The following DLG2 variants were observed in gnomAD, a reference collection of about 807,000 sequenced individuals.
DLG2 encodes disks large homolog 2.
DLG2 carries 45 observed loss-of-function variants against 132.5 expected under a neutral mutation model. That is an observed-to-expected ratio of 0.34 (90% CI 0.27 to 0.44). The LOEUF (loss-of-function observed/expected upper bound fraction) is 0.44. DLG2 is among the 20% of genes least tolerant of loss of function. DLG2 has a pLI of 1.00. For missense variants in DLG2, 1,045 were observed against 1,196.9 expected, an observed-to-expected ratio of 0.87 and a Z score of 1.87; for synonymous variants, 424 against 419.6, an observed-to-expected ratio of 1.01 and a Z score of -0.13.
chr11:84,537,032 A>G (rs2099357128), intron 6 of DLG2, among the ~76,000 whole-genome samples: 1 of 151,824 alleles, frequency 6.6e-6, no homozygotes, highest in African/African-American at 2.4e-5. Context: ...CACACTGCCC[A>G]CAGGACAGAA....
At chr11:84,698,460 G>C (rs2058849943) in intron 6 of DLG2, among the ~76,000 whole-genome samples, 1 of 151,400 alleles carries the variant, frequency 6.6e-6, no homozygotes, top group Admixed American at 6.6e-5. Flanking sequence ...AGAAATAAGT[G>C]GCAGAACAAA....
chr11:85,259,865 G>T (rs796711216), intron 4 of DLG2, among the ~76,000 whole-genome samples: 11 of 152,124 alleles, frequency 7.2e-5, no homozygotes, highest in African/African-American at 2.4e-4. Flanking sequence ...TGTAGAAATT[G>T]TTTGGTATTC....
chr11:84,672,563 C>T (rs745842010), intron 6 of DLG2, among the ~76,000 whole-genome samples: 1 of 152,070 alleles, frequency 6.6e-6, no homozygotes, highest in Non-Finnish European at 1.5e-5. Flanking sequence ...AGAAACTATT[C>T]CAGCTGCTAG....
intron 6 of DLG2, among the ~76,000 whole-genome samples, chr11:84,574,545 C>T (rs1235593560): frequency 1.3e-5 from 2 of 152,148 alleles, no homozygotes; most frequent in Non-Finnish European, 2.9e-5. Flanking sequence ...CAAGCTAAAG[C>T]TCCTTAAAAT....
intron 4 of DLG2, among the ~76,000 whole-genome samples, chr11:85,230,438 CAT>C (rs968692858): frequency 4.6e-5 from 7 of 151,338 alleles, no homozygotes; most frequent in Non-Finnish European, 4.4e-5. Context: ...TTTAAATAAA[CAT>C]ATTTATATAG....
At chr11:83,497,534 C>A (rs1159285921) in intron 21 of DLG2, among the ~76,000 whole-genome samples, 4 of 84,154 alleles carry the variant, frequency 4.8e-5, no homozygotes, top group African/African-American at 1.1e-4. Flanking sequence ...GACTTCGTCT[C>A]AAAAACAAAA....
chr11:85,540,815 T>C (rs1373333409), intron 3 of DLG2, among the ~76,000 whole-genome samples: 1 of 152,240 alleles, frequency 6.6e-6, no homozygotes, highest in Non-Finnish European at 1.5e-5. Context: ...CCTGCCCATC[T>C]GTATGCTCCC....
intron 8 of DLG2, among the ~76,000 whole-genome samples, chr11:84,235,279 C>A (rs1314649982): frequency 6.6e-6 from 1 of 152,188 alleles, no homozygotes; most frequent in Non-Finnish European, 1.5e-5. Flanking sequence ...AAACTGTAGC[C>A]TGACCATCTT....
At chr11:84,363,248 C>A (rs946938006) in intron 7 of DLG2, among the ~76,000 whole-genome samples, 6 of 152,172 alleles carry the variant, frequency 3.9e-5, no homozygotes, top group African/African-American at 1.4e-4. Flanking sequence ...ATTTGCATTT[C>A]TCTGATAGCC....
intron 9 of DLG2, among the ~76,000 whole-genome samples, chr11:84,148,542 A>C (rs1337210347): frequency 6.6e-6 from 1 of 152,166 alleles, no homozygotes; most frequent in Non-Finnish European, 1.5e-5. Context: ...CCATGTTGCC[A>C]CAAAGGATAT....
At chr11:83,651,388 C>T (rs887261107) in intron 18 of DLG2, among the ~76,000 whole-genome samples, 1 of 152,162 alleles carries the variant, frequency 6.6e-6, no homozygotes, top group Admixed American at 6.5e-5. Flanking sequence ...AGAAGCTGTA[C>T]AAAGTAGGGG....
At chr11:85,145,854 A>T (rs2076803523) in intron 5 of DLG2, among the ~76,000 whole-genome samples, 1 of 152,054 alleles carries the variant, frequency 6.6e-6, no homozygotes, top group African/African-American at 2.4e-5. Context: ...TAGTTTGTTT[A>T]GTAGATCATG....
chr11:83,483,436 C>CTT, intron 22 of DLG2: 1 of 576,212 alleles, frequency 1.7e-6, no homozygotes, highest in East Asian at 3.1e-5. Flanking sequence ...ATTCTCTCTT[C>CTT]TTTTAAAAAA....
chr11:84,729,038 C>G (rs1477485292), intron 6 of DLG2, among the ~76,000 whole-genome samples: 2 of 152,116 alleles, frequency 1.3e-5, no homozygotes, highest in Admixed American at 6.5e-5. Flanking sequence ...AAAAACCCAG[C>G]TCCTGGATTC....
intron 6 of DLG2, among the ~76,000 whole-genome samples, chr11:84,971,477 G>A (rs972252941): frequency 7.2e-5 from 11 of 152,150 alleles, no homozygotes; most frequent in African/African-American, 4.8e-5. Context: ...CTGGAGAAAC[G>A]AGAATTGTAG....
intron 3 of DLG2, among the ~76,000 whole-genome samples, chr11:85,514,872 C>G (rs756749177): frequency 1.3e-5 from 2 of 151,826 alleles, no homozygotes; most frequent in Non-Finnish European, 2.9e-5. Flanking sequence ...TTGCTGTACA[C>G]CAATAATCTT....
In DLG2 at chr11:85,466,230, A is replaced by T. The variant is rs2092784872; in HGVS notation, c.40+132427T>A. On this transcript the variant is annotated intron_variant, in intron 3 of 27. Transcript: ENST00000376104. ...TATTAGCCCTTTGTCAGACGAGTAA[A>T]TTGCAAAAATTTTCTCCCATTCTGT... Among the ~76,000 whole-genome samples the T allele has an allele frequency of 2.0e-5, 3 of 152,240 alleles. No individual in the cohort carries two copies. The South Asian group carries it at 6.2e-4, about 32-fold the overall frequency.
At chr11:85,286,908 A>G (rs996453735) in intron 3 of DLG2, among the ~76,000 whole-genome samples, 1 of 152,146 alleles carries the variant, frequency 6.6e-6, no homozygotes, top group Non-Finnish European at 1.5e-5. Flanking sequence ...CCAGAGAAAC[A>G]ACCCTGCTAC....
At chr11:84,781,057 ATGTGTGTGTGTGTGTGTG>A (rs35479707) in intron 6 of DLG2, among the ~76,000 whole-genome samples, 3 of 142,934 alleles carry the variant, frequency 2.1e-5, no homozygotes, top group Non-Finnish European at 4.5e-5. Context: ...TCATAACTTA[ATGTGTGTGTGTGTGTGTG>A]TGTGTGTGTG....
Sources: gnomAD v4.1 joint callset for allele counts (sites outside exome capture counted in the v4.1 genomes callset) on GRCh38, gnomAD v4.1.1 for gene constraint, MANE v1.5 for transcripts, NCBI Gene and HGNC (gene_info 2026-07-23, HGNC 2026-07-21) for gene names.